The following CPM variants were observed in gnomAD, a reference collection of about 807,000 sequenced individuals.
CPM encodes carboxypeptidase M.
CPM carries 35 observed loss-of-function variants against 46.4 expected under a neutral mutation model. That is an observed-to-expected ratio of 0.75 (90% confidence interval 0.58 to 1.00). The LOEUF (loss-of-function observed/expected upper bound fraction) is 1.00. Ranked by LOEUF, CPM falls within the 50% of genes least tolerant of loss-of-function variation. CPM has a pLI of 0.00. For synonymous variants in CPM, 195 were observed against 195.3 expected (o/e 1.00, Z 0.01); for missense variants, 422 against 530.4 (o/e 0.80, Z 2.01).
At chr12:68,885,678 AC>A in intron 3 of CPM, 113 bp downstream of exon 3, 1 of 835,404 alleles carries the variant, frequency 1.2e-6, no homozygotes, top group South Asian at 1.7e-5. Context: ...GCTTCTTTGT[AC>A]AATGCATGCT....
chr12:68,957,188 C>T (rs1282649259), intron 1 of CPM, among the ~76,000 whole-genome samples: 3 of 152,130 alleles, frequency 2.0e-5, no homozygotes, highest in Non-Finnish European at 4.4e-5. Context: ...CTATTCAAAG[C>T]AGGTTCCCAG....
In CPM at chr12:68,856,233, A is replaced by G. The variant is rs1592629091; in HGVS notation, c.*204T>C. ...AGTACTTGTTAGGTAAGTGTCTTCCATTCACCGTCAAGACTGAATCATTCT... is the reference window on the plus strand; with the variant it reads ...AGTACTTGTTAGGTAAGTGTCTTCCGTTCACCGTCAAGACTGAATCATTCT... On this transcript the variant is annotated 3_prime_UTR_variant, in exon 9 of 9. Transcript: ENST00000551568. The G allele has an allele frequency of 1.7e-6, 1 of 590,000 alleles. No individual in the cohort carries two copies. Among genetic ancestry groups the G allele is most frequent in the East Asian group, 2.8e-5 (1 of 35,282 alleles). The allele number at this position is 590,000 out of a possible 1,614,324, so 36.5% of individuals were successfully genotyped here.
chr12:68,926,063 T>C (rs554036067), intron 2 of CPM, among the ~76,000 whole-genome samples: 1 of 152,016 alleles, frequency 6.6e-6, no homozygotes, highest in Non-Finnish European at 1.5e-5. Flanking sequence ...ATGACAGGCA[T>C]ATGCCACCAT....
At chr12:68,936,158 C>A (rs1278030334), upstream of CPM, among the ~76,000 whole-genome samples, 1 of 152,044 alleles carries the variant, frequency 6.6e-6, no homozygotes, top group Non-Finnish European at 1.5e-5. Context: ...CACCTGGGAG[C>A]TTGTTGGAAA....
intron 1 of CPM, among the ~76,000 whole-genome samples, chr12:68,951,843 C>G (rs911181449): frequency 2.6e-5 from 4 of 152,116 alleles, no homozygotes; most frequent in African/African-American, 9.7e-5. Flanking sequence ...GGGCAGTGTT[C>G]TAGCAAGTAA....
At chr12:68,942,587 G>C (rs1460157317) in intron 1 of CPM, among the ~76,000 whole-genome samples, 12 of 151,970 alleles carry the variant, frequency 7.9e-5, no homozygotes, top group Non-Finnish European at 1.2e-4. Flanking sequence ...TGTTTACTCT[G>C]TGTCAGGCAC....
chr12:68,861,951 T>TA (rs1885238084), intron 7 of CPM, among the ~76,000 whole-genome samples: 1 of 137,014 alleles, frequency 7.3e-6, no homozygotes, highest in Admixed American at 7.2e-5. Flanking sequence ...TGGTACCCTT[T>TA]AAAAAAAGGC....
intron 5 of CPM, chr12:68,842,393 T>C: frequency 2.0e-6 from 1 of 492,182 alleles, no homozygotes; most frequent in Non-Finnish European, 4.0e-6. Context: ...CCTAAAAATC[T>C]CATTATCTAT....
Position 68,852,193 on chromosome 12 carries a change from C to A in CPM, c.*4244G>T, listed in dbSNP as rs1381705527. 6.6e-6 allele frequency: 1 copy of A among 152,198 alleles called. No homozygotes were observed. Among genetic ancestry groups the A allele is most frequent in the African/African-American group, 2.4e-5 (1 of 41,444 alleles). The allele number at this position is 152,198 out of a possible 1,614,324, so 9.4% of individuals were successfully genotyped here. A position where few individuals can be genotyped will look rare whatever the true frequency, so the allele number is the denominator to read the frequency against. On this transcript the variant is annotated 3_prime_UTR_variant, in exon 9 of 9. Transcript: ENST00000551568. ...AAAGCTTTTAACATTTCAGATACAT[C>A]CAACAGTTCATGTCTGAATGTAATT...
intron 2 of CPM, among the ~76,000 whole-genome samples, chr12:68,901,440 T>C (rs1007254434): frequency 6.6e-5 from 10 of 152,192 alleles, no homozygotes. Flanking sequence ...CACAGAGCTA[T>C]ACTAACCATA....
upstream of CPM, among the ~76,000 whole-genome samples, chr12:68,935,530 A>G (rs558423103): frequency 6.6e-6 from 1 of 151,880 alleles, no homozygotes; most frequent in East Asian, 1.9e-4. Flanking sequence ...GCCTCAAGTG[A>G]TCCTTCTGCC....
At chr12:68,877,755 A>G (rs929976999) in intron 3 of CPM, among the ~76,000 whole-genome samples, 1 of 152,192 alleles carries the variant, frequency 6.6e-6, no homozygotes, top group African/African-American at 2.4e-5. Flanking sequence ...TAGAAAGACA[A>G]GCTTTAATGT....
intron 2 of CPM, among the ~76,000 whole-genome samples, chr12:68,899,773 T>C (rs1592675539): frequency 6.6e-6 from 1 of 152,354 alleles, no homozygotes; most frequent in African/African-American, 2.4e-5. Flanking sequence ...ATGCAGTATG[T>C]TGTTGGATAT....
rs1886275454 is a variant in CPM at position 68,883,292 on chromosome 12, G to T, written c.258+2500C>A. Among the ~76,000 whole-genome samples, 3 of 152,126 alleles carry T rather than the reference G, an allele frequency of 2.0e-5. No individual in the cohort carries two copies. In the South Asian group the frequency reaches 6.2e-4, roughly 32 times the overall value. Reference sequence around the variant, plus strand: ...TTCAATTTCAAAAGATCTATGGGAGGAAAAAGGGGGTTGTTATATCCTGTA... The same window carrying T: ...TTCAATTTCAAAAGATCTATGGGAGTAAAAAGGGGGTTGTTATATCCTGTA... On this transcript the variant is annotated intron_variant, in intron 3 of 8. Coordinates refer to ENST00000551568, the MANE Select transcript of CPM (RefSeq NM_198320.5).
chr12:68,926,919 T>C (rs942767007), intron 2 of CPM, among the ~76,000 whole-genome samples: 4 of 152,272 alleles, frequency 2.6e-5, no homozygotes, highest in African/African-American at 9.6e-5. Flanking sequence ...CTGCATAGTA[T>C]TCTATGGTGT....
intron 2 of CPM, among the ~76,000 whole-genome samples, chr12:68,928,941 C>T (rs1486271131): frequency 6.7e-6 from 1 of 149,268 alleles, no homozygotes; most frequent in Admixed American, 6.7e-5. Flanking sequence ...GAAATGGAGT[C>T]TCCCATGTTG....
At chr12:68,868,948 G>A (rs570522476) in intron 6 of CPM, among the ~76,000 whole-genome samples, 60 of 152,248 alleles carry the variant, frequency 3.9e-4, no homozygotes, top group African/African-American at 1.4e-3. Context: ...CACCCTTGGG[G>A]TACACTGCAC....
intron 7 of CPM, among the ~76,000 whole-genome samples, chr12:68,860,378 A>G (rs1470626689): frequency 6.6e-6 from 1 of 152,172 alleles, no homozygotes; most frequent in Non-Finnish European, 1.5e-5. Context: ...GTAGTACCCA[A>G]TCATAAATTG....
chr12:68,868,700 C>A (rs1401756978), intron 6 of CPM, among the ~76,000 whole-genome samples: 1 of 152,158 alleles, frequency 6.6e-6, no homozygotes, highest in Non-Finnish European at 1.5e-5. Flanking sequence ...GGCCCTCCTC[C>A]CACTGTATCC....
Sources: allele counts gnomAD v4.1 joint callset (sites outside exome capture counted in the v4.1 genomes callset), GRCh38; gene constraint gnomAD v4.1.1; transcripts MANE v1.5; gene names NCBI Gene and HGNC (gene_info 2026-07-23, HGNC 2026-07-21).